RNF213: variants seen among roughly 807,000 people sequenced by gnomAD.
RNF213 encodes the protein ring finger protein 213.
In RNF213, 341 loss-of-function variants were observed where a neutral mutation model predicts 514.4. The ratio of observed to expected loss-of-function variants is 0.66; its 90% CI spans 0.61 to 0.73. The LOEUF (loss-of-function observed/expected upper bound fraction) is 0.73. RNF213 is among the 30% of genes least tolerant of loss of function. RNF213 has a pLI of 0.00. For synonymous variants in RNF213, 2,655 were observed against 2,658.2 expected (o/e 1.00, Z 0.04); for missense variants, 5,767 against 6,615.6 (o/e 0.87, Z 4.45).
intron 2 of RNF213, among the ~76,000 whole-genome samples, chr17:80,270,300 C>T (rs577462525): frequency 1.3e-5 from 2 of 152,240 alleles, no homozygotes; most frequent in African/African-American, 2.4e-5. Flanking sequence ...TTTGCCGTGA[C>T]ATAGGCTGCT....
At position 80,289,808 on chromosome 17, in the gene RNF213, G is replaced by T. The variant is rs2044625697; in HGVS notation, c.1083G>T (p.Gln361His). The T allele has an allele frequency of 6.2e-7, 1 of 1,612,158 alleles. No homozygotes were observed. The highest frequency in any genetic ancestry group is 1.3e-5 in the African/African-American group (1 of 74,870). Reference sequence around the variant, plus strand: ...AAAACGAGAAGGAGCAAAAAAACCAGGAAGCAGATGTCCAGGAAGTGAAGG... The same window carrying T: ...AAAACGAGAAGGAGCAAAAAAACCATGAAGCAGATGTCCAGGAAGTGAAGG... ...AVKNEKEQKNQEADVQEVKAS... is the reference protein window; with the variant it reads ...AVKNEKEQKNHEADVQEVKAS... The change falls in exon 6 of 68, where the codon CAG becomes CAT. Residue 361 changes from glutamine to histidine, a missense_variant. Physicochemically the swap from Gln to His is conservative, Grantham distance 24. This residue lies in a region of RNF213 where 509 missense variants were observed against 496.7 expected (regional missense o/e 1.02). Transcript: ENST00000582970.
chr17:80,294,321 G>C (rs2044856096), intron 8 of RNF213, among the ~76,000 whole-genome samples: 1 of 152,182 alleles, frequency 6.6e-6, no homozygotes, highest in African/African-American at 2.4e-5. Context: ...GATTGACCAG[G>C]ACAGTGCTCA....
intron 17 of RNF213, among the ~76,000 whole-genome samples, chr17:80,324,310 G>T (rs1386902144): frequency 6.6e-6 from 1 of 152,134 alleles, no homozygotes; most frequent in Non-Finnish European, 1.5e-5. Context: ...TCATAGAAGA[G>T]AGTTGGATTT....
intron 3 of RNF213, among the ~76,000 whole-genome samples, chr17:80,281,112 TCACACCACTCACA>T (rs1351999098): frequency 3.5e-3 from 152 of 43,554 alleles, no homozygotes; most frequent in African/African-American, 0.014. Flanking sequence ...CATACCCCAC[TCACACCACTCACA>T]CACACCCCCA....
chr17:80,384,392 G>T (rs928946895), intron 59 of RNF213, among the ~76,000 whole-genome samples: 6 of 152,210 alleles, frequency 3.9e-5, no homozygotes, highest in African/African-American at 1.4e-4. Flanking sequence ...GCAGTCAAGT[G>T]TACTGGCCAC....
rs147013725 is a variant in RNF213, at chr17:80,381,666, C to T, written c.13917C>T (p.Ile4639=). 6.7e-5 allele frequency: 108 copies of T among 1,614,066 alleles called. 1 individual carries two copies. Among genetic ancestry groups the T allele is most frequent in the Non-Finnish European group, 8.7e-5 (103 of 1,180,034 alleles). The stretch of plus-strand genomic sequence containing the variant: ...TGGGACACAGTGCCGACGAGACCAT[C>T]GGCGTGGTCCACCTCGTCCTGCGCA... ...KMLGHSADET[I]GVVHLVLRRL... Residue 4639 remains isoleucine (I), a synonymous_variant, in exon 57 of 68, where the codon ATC becomes ATT. Transcript: ENST00000582970.
At chr17:80,279,447 C>G (rs2044180706) in intron 3 of RNF213, among the ~76,000 whole-genome samples, 1 of 152,040 alleles carries the variant, frequency 6.6e-6, no homozygotes. Flanking sequence ...CTGACTTTTT[C>G]TCTTTTTCTT....
At chr17:80,382,100 C>G in intron 57 of RNF213, 1 of 302,188 alleles carries the variant, frequency 3.3e-6, no homozygotes, top group Non-Finnish European at 6.5e-6. Flanking sequence ...GAGCACGTGT[C>G]GTCCACACAG....
Position 80,291,898 on chromosome 17 carries a change from G to T in RNF213, c.1471+71G>T, listed in dbSNP as rs201421120. 175 of 1,531,902 alleles carry T rather than the reference G, an allele frequency of 1.1e-4. 2 individuals carry two copies. The East Asian group carries it at 2.7e-3, about 23-fold the overall frequency. 94.9% of individuals were successfully genotyped at this position (1,531,902 alleles called of 1,614,324 possible). A position where few individuals can be genotyped will look rare whatever the true frequency, so the allele number is the denominator to read the frequency against. ...GTGCCAATCCCGCGGTACTGGACGC[G>T]TCTCTCTGGAGAGCACAGACTTTGC... is the stretch of plus-strand genomic sequence containing the variant. On this transcript the variant is annotated intron_variant, in intron 8 of 67. Transcript: ENST00000582970.
At chr17:80,287,770 A>G (rs1366194850) in intron 3 of RNF213, 45 bp from the exon 4 acceptor site, 1 of 1,595,980 alleles carries the variant, frequency 6.3e-7, no homozygotes, top group African/African-American at 1.3e-5. Context: ...GGGCTAGAGT[A>G]GAGTAAATCT....
At chr17:80,267,871 G>A (rs1163364671) in intron 2 of RNF213, among the ~76,000 whole-genome samples, 2 of 150,928 alleles carry the variant, frequency 1.3e-5, no homozygotes, top group Non-Finnish European at 2.9e-5. Context: ...CCAGGCTGGA[G>A]TGCAGTGGCT....
intron 11 of RNF213, among the ~76,000 whole-genome samples, chr17:80,303,122 A>G (rs1452472631): frequency 6.6e-6 from 1 of 152,218 alleles, no homozygotes; most frequent in East Asian, 1.9e-4. Context: ...TGCTCAAAAC[A>G]GACAGCTGCT....
chr17:80,279,001 G>A, intron 3 of RNF213: 1 of 1,497,692 alleles, frequency 6.7e-7, no homozygotes. Context: ...TCCGGCCCTT[G>A]AGTCCCTGCC....
At position 80,379,604 on chromosome 17, in the gene RNF213, CCT is replaced by C; in HGVS notation, c.13546-15_13546-14del. The C allele has an allele frequency of 6.2e-7, 1 of 1,612,462 alleles. No individual in the cohort carries two copies. Among genetic ancestry groups the C allele is most frequent in the Non-Finnish European group, 8.5e-7 (1 of 1,178,504 alleles). On this transcript the variant is annotated splice_polypyrimidine_tract_variant and intron_variant, in intron 54 of 67. Transcript: ENST00000582970. ...ACTGCTCCAGAAGTGGTTCTAGTGC[CCT>C]GTCTTCACCCTAGTGTGGCAGGCCG... is the stretch of plus-strand genomic sequence containing the variant.
intron 41 of RNF213, 45 bp downstream of exon 41, chr17:80,363,835 T>C: frequency 3.8e-6 from 6 of 1,578,420 alleles, no homozygotes; most frequent in Non-Finnish European, 5.2e-6. Context: ...TGGCGCGCGC[T>C]CACCAGGAGC....
intron 2 of RNF213, among the ~76,000 whole-genome samples, chr17:80,267,797 G>T (rs1161481553): frequency 6.6e-6 from 1 of 151,462 alleles, no homozygotes; most frequent in Non-Finnish European, 1.5e-5. Context: ...GATGGAGGTG[G>T]CTCTACTCAA....
At position 80,294,707 on chromosome 17, in the gene RNF213, C is replaced by T; in HGVS notation, c.1472-13C>T. Reference sequence around the variant, plus strand: ...GGTCTTAGGTAGGCTCTTGTTCCTTCTGTCCCTCTTAGACTGGCATCAGTA... The same window carrying T: ...GGTCTTAGGTAGGCTCTTGTTCCTTTTGTCCCTCTTAGACTGGCATCAGTA... On this transcript the variant is annotated splice_polypyrimidine_tract_variant and intron_variant, in intron 8 of 67. Coordinates refer to ENST00000582970, the MANE Select transcript of RNF213 (RefSeq NM_001256071.3). The T allele has an allele frequency of 6.2e-7, 1 of 1,613,686 alleles. No individual in the cohort carries two copies.
chr17:80,262,434 G>A (rs2043456266), intron 1 of RNF213, among the ~76,000 whole-genome samples: 1 of 152,078 alleles, frequency 6.6e-6, no homozygotes, highest in African/African-American at 2.4e-5. Context: ...GAGGTGTGCA[G>A]GGTTGTCTTG....
intron 26 of RNF213, chr17:80,340,582 G>T: frequency 2.4e-6 from 1 of 422,716 alleles, no homozygotes. Flanking sequence ...CCTCCTCTCA[G>T]CAAACATCTC....
Sources: gnomAD v4.1 joint callset for allele counts (sites outside exome capture counted in the v4.1 genomes callset) on GRCh38, gnomAD v4.1.1 for gene constraint, gnomAD v4.1.1 regional missense constraint, MANE v1.5 for transcripts, NCBI Gene and HGNC (gene_info 2026-07-23, HGNC 2026-07-21) for gene names.